GLIS3: variants seen among roughly 807,000 people sequenced by gnomAD.
GLIS3 encodes the protein GLIS family zinc finger 3.
A neutral mutation model predicts 78.6 loss-of-function variants in GLIS3; 53 were observed. The observed-to-expected ratio is 0.67, with a 90% CI of 0.54 to 0.85. GLIS3 has a LOEUF of 0.85. Among genes scored for constraint, GLIS3 ranks in the 40% least tolerant of loss-of-function variants. The probability of loss-of-function intolerance (pLI) is 0.00; values close to 1 mark genes in which losing one functional copy is unlikely to be tolerated. For synonymous variants in GLIS3, 684 were observed against 509.9 expected (o/e 1.34, Z -4.60); for missense variants, 1,703 against 1,231.1 (o/e 1.38, Z -5.74).
intron 4 of GLIS3, among the ~76,000 whole-genome samples, chr9:4,011,056 T>G (rs1441420605): frequency 6.6e-6 from 1 of 152,230 alleles, no homozygotes; most frequent in Non-Finnish European, 1.5e-5. Context: ...GTAGATGGAC[T>G]GACCACTCAC....
chr9:4,234,147 C>T (rs1460783875), intron 2 of GLIS3, among the ~76,000 whole-genome samples: 1 of 152,178 alleles, frequency 6.6e-6, no homozygotes, highest in Non-Finnish European at 1.5e-5. Context: ...ATTTTGCTTC[C>T]ATATCCTTCT....
Position 4,152,679 on chromosome 9 carries a change from C to G in GLIS3, c.389-26738G>C, listed in dbSNP as rs541357623. 2.0e-5 allele frequency among the ~76,000 whole-genome samples: 3 copies of G among 152,192 alleles called. No individual in the cohort carries two copies. In the East Asian group the frequency reaches 5.8e-4, roughly 29 times the overall value. On this transcript the variant is annotated intron_variant, in intron 2 of 10. Coordinates refer to ENST00000381971, the MANE Select transcript of GLIS3 (RefSeq NM_001042413.2). ...TTCTACCTATAAAATTCAACAGAAT[C>G]CACTAAAAATTGTTATAAACGAAAA...
chr9:4,234,119 C>G (rs1010518829), intron 2 of GLIS3, among the ~76,000 whole-genome samples: 1 of 152,114 alleles, frequency 6.6e-6, no homozygotes, highest in Non-Finnish European at 1.5e-5. Context: ...AAACTTTCTC[C>G]GTATCAGCAA....
At chr9:4,052,657 G>A (rs1243422617) in intron 4 of GLIS3, among the ~76,000 whole-genome samples, 1 of 152,162 alleles carries the variant, frequency 6.6e-6, no homozygotes, top group Non-Finnish European at 1.5e-5. Context: ...GTTGCAGCAT[G>A]TATCAGAACT....
chr9:4,130,751 G>A (rs1057090599), intron 2 of GLIS3, among the ~76,000 whole-genome samples: 3 of 152,330 alleles, frequency 2.0e-5, no homozygotes, highest in South Asian at 2.1e-4. Context: ...GAGGCGTGGA[G>A]GTGAAATGTG....
chr9:4,300,292 C>T (rs1485967496), upstream of GLIS3, among the ~76,000 whole-genome samples: 1 of 151,788 alleles, frequency 6.6e-6, no homozygotes, highest in Non-Finnish European at 1.5e-5. Context: ...AGGGTAACAG[C>T]AGGGAGACAC....
intron 8 of GLIS3, among the ~76,000 whole-genome samples, chr9:3,876,472 G>A (rs1172459707): frequency 6.6e-6 from 1 of 150,616 alleles, no homozygotes; most frequent in East Asian, 2.0e-4. Flanking sequence ...TTATATCAAT[G>A]TTAAATTTCC....
At chr9:4,141,834 C>G (rs1004942881) in intron 2 of GLIS3, among the ~76,000 whole-genome samples, 1 of 152,192 alleles carries the variant, frequency 6.6e-6, no homozygotes, top group African/African-American at 2.4e-5. Context: ...TCACAAATCT[C>G]AACACACAGG....
At chr9:4,030,910 G>C (rs370314757) in intron 4 of GLIS3, among the ~76,000 whole-genome samples, 1 of 152,128 alleles carries the variant, frequency 6.6e-6, no homozygotes, top group Non-Finnish European at 1.5e-5. Flanking sequence ...AAAGATGCTC[G>C]GCATCATTAG....
intron 2 of GLIS3, among the ~76,000 whole-genome samples, chr9:4,201,186 A>G (rs544726507): frequency 3.3e-5 from 5 of 152,336 alleles, no homozygotes; most frequent in African/African-American, 1.2e-4. Context: ...AACATACCTC[A>G]AAATAATCAG....
the GLIS3 span, among the ~76,000 whole-genome samples, chr9:4,400,439 G>C: frequency 2.0e-5 from 3 of 152,154 alleles, no homozygotes; most frequent in Non-Finnish European, 2.9e-5. Flanking sequence ...AAAAGAATGT[G>C]ATTATGAGAC....
chr9:4,234,954 G>C (rs532788556), intron 2 of GLIS3, among the ~76,000 whole-genome samples: 20 of 152,220 alleles, frequency 1.3e-4, no homozygotes, highest in African/African-American at 4.8e-4. Flanking sequence ...CATGGCATCA[G>C]TCCTGCCTCA....
chr9:4,330,830 TCCA>T (rs1243304041), intron 2 of GLIS3, among the ~76,000 whole-genome samples: 2 of 152,160 alleles, frequency 1.3e-5, no homozygotes, highest in African/African-American at 4.8e-5. Flanking sequence ...TTCAGAATCA[TCCA>T]CCACCAGCAC....
At chr9:4,328,739 C>T (rs563716970) in intron 2 of GLIS3, among the ~76,000 whole-genome samples, 40 of 150,150 alleles carry the variant, frequency 2.7e-4, no homozygotes, top group African/African-American at 9.2e-4. Context: ...TTTTTCCCTG[C>T]GTAAAACAGG....
intron 2 of GLIS3, among the ~76,000 whole-genome samples, chr9:4,250,907 T>A (rs1377475902): frequency 6.6e-6 from 1 of 152,242 alleles, no homozygotes; most frequent in Non-Finnish European, 1.5e-5. Context: ...TCAGTTTCTA[T>A]GTAGTTGTGC....
intron 4 of GLIS3, among the ~76,000 whole-genome samples, chr9:4,068,367 A>T (rs1827282112): frequency 6.6e-6 from 1 of 152,178 alleles, no homozygotes; most frequent in South Asian, 2.1e-4. Context: ...AGAGAAAAAT[A>T]AGTAAAATAT....
chr9:4,092,392 T>A (rs554961552), intron 4 of GLIS3, among the ~76,000 whole-genome samples: 1 of 152,248 alleles, frequency 6.6e-6, no homozygotes, highest in East Asian at 1.9e-4. Flanking sequence ...GAGCTCGTGA[T>A]CCGCCTGCCT....
chr9:4,061,870 C>T (rs944839566), intron 4 of GLIS3, among the ~76,000 whole-genome samples: 25 of 152,292 alleles, frequency 1.6e-4, no homozygotes, highest in African/African-American at 5.8e-4. Flanking sequence ...TTACCGTGCT[C>T]CTCCTGGTTT....
chr9:4,288,211 T>A (rs1033345166), intron 1 of GLIS3, among the ~76,000 whole-genome samples: 8 of 152,348 alleles, frequency 5.3e-5, no homozygotes, highest in African/African-American at 1.7e-4. Context: ...TCACTTAATG[T>A]CTCTGTACTT....
Sources: allele counts gnomAD v4.1 joint callset (sites outside exome capture counted in the v4.1 genomes callset), GRCh38; gene constraint gnomAD v4.1.1; transcripts MANE v1.5; gene names NCBI Gene and HGNC (gene_info 2026-07-23, HGNC 2026-07-21).